The following EXT1 variants were observed in gnomAD, a reference collection of about 807,000 sequenced individuals.
EXT1 encodes the protein exostosin-1.
EXT1 carries 20 observed loss-of-function variants against 82.5 expected under a neutral mutation model. The observed-to-expected ratio is 0.24, with a 90% confidence interval of 0.17 to 0.35. EXT1 has a LOEUF of 0.35. Ranked by LOEUF, EXT1 falls within the 10% of genes least tolerant of loss-of-function variation. EXT1 has a pLI of 1.00. For synonymous variants in EXT1, 348 were observed against 350.8 expected, an observed-to-expected ratio of 0.99 and a Z score of 0.09; for missense variants, 757 against 936.5, an observed-to-expected ratio of 0.81 and a Z score of 2.50.
chr8:117,879,756 A>G (rs1051740220), intron 1 of EXT1, among the ~76,000 whole-genome samples: 1 of 152,204 alleles, frequency 6.6e-6, no homozygotes, highest in African/African-American at 2.4e-5. Flanking sequence ...ACAAAAGAGA[A>G]CTAGAAATAG....
At chr8:117,817,526 G>A (rs1811844000) in intron 7 of EXT1, among the ~76,000 whole-genome samples, 3 of 151,958 alleles carry the variant, frequency 2.0e-5, no homozygotes, top group African/African-American at 7.3e-5. Context: ...GCAGAAGCTA[G>A]AGAAAAAAGA....
At position 117,878,902 on chromosome 8, in the gene EXT1, G is replaced by A. The variant is rs373384003; in HGVS notation, c.963-41701C>T. On this transcript the variant is annotated intron_variant, in intron 1 of 10. Coordinates refer to ENST00000378204, the MANE Select transcript of EXT1 (RefSeq NM_000127.3). ...ACACATCCATTGAGGGTTGGCTGTGGGCTATGCTCCACTTCTTCATGGTGA... is the reference window on the plus strand; with the variant it reads ...ACACATCCATTGAGGGTTGGCTGTGAGCTATGCTCCACTTCTTCATGGTGA... Among the ~76,000 whole-genome samples, 34 of 152,294 alleles carry A rather than the reference G, an allele frequency of 2.2e-4. 1 individual carries two copies. In the East Asian group the frequency reaches 2.3e-3, roughly 10 times the overall value.
At chr8:118,070,616 A>T (rs887997584) in intron 1 of EXT1, among the ~76,000 whole-genome samples, 9 of 152,204 alleles carry the variant, frequency 5.9e-5, no homozygotes, top group African/African-American at 2.2e-4. Context: ...ATAATCTTTT[A>T]AACTTTAGGA....
At chr8:118,034,982 GA>G (rs1816393108) in intron 1 of EXT1, among the ~76,000 whole-genome samples, 1 of 152,106 alleles carries the variant, frequency 6.6e-6, no homozygotes, top group African/African-American at 2.4e-5. Context: ...AGCTAAATTA[GA>G]AATTAAAAAC....
rs529568845 is a variant in EXT1 at position 117,814,145 on chromosome 8, T to C, written c.1633-1184A>G. On this transcript the variant is annotated intron_variant, in intron 7 of 10. Coordinates refer to ENST00000378204, the MANE Select transcript of EXT1 (RefSeq NM_000127.3). ...ATTAAATAATAGCACATATGATCCA[T>C]GGATTTAGAAAAATTGTGAAGGTGG... Among the ~76,000 whole-genome samples the C allele has an allele frequency of 1.1e-4, 17 of 151,936 alleles. No individual in the cohort carries two copies. In the South Asian group the frequency reaches 3.1e-3, roughly 28 times the overall value.
At chr8:118,037,880 G>A (rs12541849) in intron 1 of EXT1, among the ~76,000 whole-genome samples, 56,919 of 136,130 alleles carry the variant, frequency 0.42, 11,679 homozygotes, top group Middle Eastern at 0.61. Context: ...CACTCTTGTC[G>A]CCCAGACTGC....
chr8:118,096,565 C>A (rs575728529), intron 1 of EXT1, among the ~76,000 whole-genome samples: 2 of 150,064 alleles, frequency 1.3e-5, no homozygotes, highest in East Asian at 2.0e-4. Context: ...CACGCCACTG[C>A]GGCCTGGCGA....
intron 10 of EXT1, among the ~76,000 whole-genome samples, chr8:117,802,376 T>C (rs778724850): frequency 4.6e-5 from 7 of 152,240 alleles, no homozygotes; most frequent in Non-Finnish European, 7.3e-5. Context: ...CACCACATAA[T>C]GACATTTCAA....
intron 1 of EXT1, among the ~76,000 whole-genome samples, chr8:117,929,618 G>A (rs1165348681): frequency 1.3e-5 from 2 of 152,186 alleles, no homozygotes; most frequent in East Asian, 3.9e-4. Context: ...CATCATGACA[G>A]ATTCCCCATT....
intron 1 of EXT1, among the ~76,000 whole-genome samples, chr8:117,838,125 A>C (rs577151526): frequency 9.8e-5 from 15 of 152,360 alleles, no homozygotes; most frequent in Admixed American, 8.5e-4. Context: ...TGAGTTTAAG[A>C]AAACTTGGGA....
intron 3 of EXT1, among the ~76,000 whole-genome samples, chr8:117,832,299 G>A (rs1812114332): frequency 6.6e-6 from 1 of 152,160 alleles, no homozygotes; most frequent in African/African-American, 2.4e-5. Flanking sequence ...GCCGAGGCAG[G>A]CGGATCACGA....
chr8:118,036,285 C>T (rs1018360264), intron 1 of EXT1, among the ~76,000 whole-genome samples: 1 of 152,146 alleles, frequency 6.6e-6, no homozygotes, highest in East Asian at 1.9e-4. Flanking sequence ...GGCTGTTAGC[C>T]ATTCCAGAAA....
intron 1 of EXT1, among the ~76,000 whole-genome samples, chr8:118,021,879 T>C (rs1485970188): frequency 6.6e-6 from 1 of 152,200 alleles, no homozygotes; most frequent in Non-Finnish European, 1.5e-5. Context: ...CATAAAGAAG[T>C]GCCCTTTTGT....
At chr8:118,037,834 T>C (rs1227805349) in intron 1 of EXT1, among the ~76,000 whole-genome samples, 4 of 148,052 alleles carry the variant, frequency 2.7e-5, no homozygotes, top group African/African-American at 1.0e-4. Flanking sequence ...AGAGTGTTTT[T>C]TGTTTTTTTT....
At chr8:117,973,953 G>GGAAGGAAGGAAGGAAGGAAA (rs1385277736) in intron 1 of EXT1, among the ~76,000 whole-genome samples, 4 of 148,374 alleles carry the variant, frequency 2.7e-5, no homozygotes, top group African/African-American at 7.4e-5. Flanking sequence ...AAGGAAGGAA[G>GGAAGGAAGGAAGGAAGGAAA]GAAGGAAGGA....
In EXT1 at chr8:118,110,755, A is replaced by C; in HGVS notation, c.292T>G (p.Cys98Gly). The change falls in exon 1 of 11, where the codon TGC becomes GGC. Residue 98 changes from cysteine (C) to glycine (G), a missense_variant. Physicochemically the swap from Cys to Gly is radical, Grantham distance 159. This residue lies in a region of EXT1 where 175 missense variants were observed against 159.0 expected (regional missense o/e 1.10). Transcript: ENST00000378204. ...ANSSIYKGKK[C>G]RMESCFDFTL... Reference sequence around the variant, plus strand: ...AAATCGAAGCAGGACTCCATGCGGCACTTCTTGCCTTTGTAGATGCTGGAG... The same window carrying C: ...AAATCGAAGCAGGACTCCATGCGGCCCTTCTTGCCTTTGTAGATGCTGGAG... 6.2e-7 allele frequency: 1 copy of C among 1,614,176 alleles called. No homozygotes were observed. Among genetic ancestry groups the C allele is most frequent in the Non-Finnish European group, 8.5e-7 (1 of 1,180,038 alleles).
chr8:118,017,900 A>G (rs934530977), intron 1 of EXT1, among the ~76,000 whole-genome samples: 1 of 152,230 alleles, frequency 6.6e-6, no homozygotes, highest in Non-Finnish European at 1.5e-5. Context: ...AAAAAATGCA[A>G]CAAAAGGAAT....
At chr8:117,820,193 T>C (rs540467493) in intron 5 of EXT1, among the ~76,000 whole-genome samples, 1 of 152,328 alleles carries the variant, frequency 6.6e-6, no homozygotes, top group South Asian at 2.1e-4. Flanking sequence ...GGGTTCTACC[T>C]GACTAATCGT....
At chr8:117,976,626 T>C (rs749908133) in intron 1 of EXT1, among the ~76,000 whole-genome samples, 7 of 152,246 alleles carry the variant, frequency 4.6e-5, no homozygotes, top group African/African-American at 1.7e-4. Context: ...AGAAATATTC[T>C]ATATTTTGAA....
Sources: gnomAD v4.1 joint callset for allele counts (sites outside exome capture counted in the v4.1 genomes callset) on GRCh38, gnomAD v4.1.1 for gene constraint, gnomAD v4.1.1 regional missense constraint, MANE v1.5 for transcripts, NCBI Gene and HGNC (gene_info 2026-07-23, HGNC 2026-07-21) for gene names.